Variants in PRKCA observed in about 807,000 individuals in gnomAD.
PRKCA encodes protein kinase C alpha type.
Under a neutral mutation model 87.0 loss-of-function variants are expected in PRKCA, and 27 were observed. The ratio of observed to expected loss-of-function variants is 0.31; its 90% CI spans 0.23 to 0.43. The LOEUF is 0.43. PRKCA is among the 20% of genes least tolerant of loss of function. The pLI is 1.00. For synonymous variants in PRKCA, 329 were observed against 311.1 expected (o/e 1.06, Z -0.61); for missense variants, 518 against 852.3 (o/e 0.61, Z 4.88).
At chr17:66,476,297 G>A (rs983667194) in intron 2 of PRKCA, among the ~76,000 whole-genome samples, 4 of 152,202 alleles carry the variant, frequency 2.6e-5, no homozygotes, top group African/African-American at 9.6e-5. Context: ...TTCAGTTGGT[G>A]TTGAAGAGGA....
At position 66,759,887 on chromosome 17, in the gene PRKCA, T is replaced by C. The variant is rs183403350; in HGVS notation, c.1525-14100T>C. 1.9e-3 allele frequency among the ~76,000 whole-genome samples: 282 copies of C among 152,344 alleles called. 1 individual carries two copies. The highest frequency in any genetic ancestry group is 6.5e-3 in the African/African-American group (270 of 41,590). ...AGTCTCCAAGAAAACATAGCAGTTG[T>C]TAATGTGTGCGTCTGACAGCAGAGC... On this transcript the variant is annotated intron_variant, in intron 13 of 16. Coordinates refer to ENST00000413366, the MANE Select transcript of PRKCA (RefSeq NM_002737.3).
intron 2 of PRKCA, among the ~76,000 whole-genome samples, chr17:66,332,094 C>T (rs1190290955): frequency 6.6e-6 from 1 of 151,946 alleles, no homozygotes; most frequent in Non-Finnish European, 1.5e-5. Flanking sequence ...AACTTTTACC[C>T]CATTCATAAT....
intron 4 of PRKCA, among the ~76,000 whole-genome samples, chr17:66,641,717 C>CTTTTTTTTTT (rs534954912): frequency 7.0e-6 from 1 of 142,122 alleles, no homozygotes. Context: ...GGTGCTGTCA[C>CTTTTTTTTTT]TTTTTTTTTT....
intron 3 of PRKCA, among the ~76,000 whole-genome samples, chr17:66,536,035 T>C (rs1201075736): frequency 6.6e-6 from 1 of 152,242 alleles, no homozygotes; most frequent in African/African-American, 2.4e-5. Flanking sequence ...TGTCCTCTGA[T>C]ATTAATGTAC....
chr17:66,726,239 G>A (rs1973745439), intron 8 of PRKCA, among the ~76,000 whole-genome samples: 1 of 151,968 alleles, frequency 6.6e-6, no homozygotes, highest in African/African-American at 2.4e-5. Context: ...AGAAAGCGCA[G>A]GTGTTCGCAG....
intron 13 of PRKCA, among the ~76,000 whole-genome samples, chr17:66,751,676 G>C (rs1355375529): frequency 6.6e-6 from 1 of 152,146 alleles, no homozygotes; most frequent in African/African-American, 2.4e-5. Flanking sequence ...CCTATAGGTG[G>C]GTGCTGAGCT....
chr17:66,321,753 A>G (rs1301308004), intron 2 of PRKCA, among the ~76,000 whole-genome samples: 1 of 152,198 alleles, frequency 6.6e-6, no homozygotes, highest in Non-Finnish European at 1.5e-5. Context: ...CATCTTGGCC[A>G]GGCTGATCTC....
chr17:66,803,327 C>A lies in PRKCA; in HGVS notation c.1855-546C>A, dbSNP rs1160198580. ...CCCAGCCTTGCCGCCACACCTACCT[C>A]ATATCGCTTGAAGCTTAATTTAGGG... On this transcript the variant is annotated intron_variant, in intron 16 of 16. Coordinates refer to ENST00000413366, the MANE Select transcript of PRKCA (RefSeq NM_002737.3). The surrounding 1 kb of genome is among the most constrained non-coding windows in gnomAD (Gnocchi z 4.4). 6.6e-6 allele frequency among the ~76,000 whole-genome samples: 1 copy of A among 152,234 alleles called. No homozygotes were observed. Among genetic ancestry groups the A allele is most frequent in the African/African-American group, 2.4e-5 (1 of 41,466 alleles).
chr17:66,776,117 G>T (rs1975041207), intron 14 of PRKCA, among the ~76,000 whole-genome samples: 1 of 152,216 alleles, frequency 6.6e-6, no homozygotes, highest in Non-Finnish European at 1.5e-5. Context: ...CTCCCAGCAG[G>T]GCTAGAGCAG....
At chr17:66,404,944 T>C (rs1280973442) in intron 2 of PRKCA, among the ~76,000 whole-genome samples, 2 of 151,890 alleles carry the variant, frequency 1.3e-5, no homozygotes, top group Non-Finnish European at 2.9e-5. Flanking sequence ...GAGACGGGGT[T>C]TCACCATGTT....
intron 2 of PRKCA, among the ~76,000 whole-genome samples, chr17:66,346,538 C>T (rs888310672): frequency 6.6e-6 from 1 of 151,924 alleles, no homozygotes; most frequent in African/African-American, 2.4e-5. Flanking sequence ...CGCCACTGTG[C>T]CTGGCTGTTG....
At chr17:66,344,703 A>G (rs1352545947) in intron 2 of PRKCA, among the ~76,000 whole-genome samples, 1 of 152,226 alleles carries the variant, frequency 6.6e-6, no homozygotes, top group Non-Finnish European at 1.5e-5. Context: ...CTTTGACTCC[A>G]GAGCTTTCTT....
intron 2 of PRKCA, chr17:66,404,289 T>A (rs1158541065): frequency 2.0e-5 from 3 of 152,188 alleles, no homozygotes; most frequent in Non-Finnish European, 4.4e-5. Context: ...TAGAAAAGCC[T>A]CTACAGGAAA....
chr17:66,652,410 G>A (rs1050946223), intron 5 of PRKCA, among the ~76,000 whole-genome samples: 1 of 152,162 alleles, frequency 6.6e-6, no homozygotes, highest in Non-Finnish European at 1.5e-5. Flanking sequence ...TTTAGAGAAT[G>A]TTTTTGTACC....
intron 8 of PRKCA, among the ~76,000 whole-genome samples, chr17:66,729,688 A>G (rs1973837092): frequency 6.6e-6 from 1 of 151,446 alleles, no homozygotes; most frequent in East Asian, 1.9e-4. Context: ...TCTCTCCCTC[A>G]TGTTTTAATG....
At chr17:66,588,099 G>A (rs1969679118) in intron 3 of PRKCA, among the ~76,000 whole-genome samples, 1 of 151,796 alleles carries the variant, frequency 6.6e-6, no homozygotes, top group South Asian at 2.1e-4. Flanking sequence ...CAGTGTTGGA[G>A]GATTCTACTT....
At chr17:66,728,437 G>A (rs545496360) in intron 8 of PRKCA, among the ~76,000 whole-genome samples, 48 of 152,344 alleles carry the variant, frequency 3.2e-4, no homozygotes, top group Admixed American at 1.1e-3. Flanking sequence ...AGCAGGAAGC[G>A]TGTGGCGTCC....
intron 14 of PRKCA, chr17:66,777,724 C>T (rs1975092008): frequency 9.1e-6 from 9 of 985,366 alleles, no homozygotes; most frequent in Non-Finnish European, 1.1e-5. Context: ...CATTAAGAGT[C>T]ACATTTGCAT....
chr17:66,702,407 G>C (rs1973086572), intron 8 of PRKCA, among the ~76,000 whole-genome samples: 1 of 152,154 alleles, frequency 6.6e-6, no homozygotes, highest in African/African-American at 2.4e-5. Context: ...TAGAAGTGTG[G>C]TTACCATGGG....
Sources: allele counts gnomAD v4.1 joint callset (sites outside exome capture counted in the v4.1 genomes callset), GRCh38; gene constraint gnomAD v4.1.1; non-coding constraint Gnocchi (gnomAD v3.1); transcripts MANE v1.5; gene names NCBI Gene and HGNC (gene_info 2026-07-23, HGNC 2026-07-21).